The following MTAP variants were observed in gnomAD, a reference collection of about 807,000 sequenced individuals.
MTAP encodes methylthioadenosine phosphorylase, also known as S-methyl-5'-thioadenosine phosphorylase.
In MTAP, 33 loss-of-function variants were observed where a neutral mutation model predicts 33.6. The observed-to-expected ratio is 0.98, with a 90% CI of 0.74 to 1.31. The LOEUF (loss-of-function observed/expected upper bound fraction) is 1.31, where lower values mean the gene tolerates loss of function less well. Among genes scored for constraint, MTAP ranks in the 40% most tolerant of loss-of-function variants. The pLI is 0.00. For missense variants in MTAP, 367 were observed against 360.0 expected (o/e 1.02, Z -0.16); for synonymous variants, 148 against 125.7 (o/e 1.18, Z -1.19).
rs539266874 is a variant in MTAP, at chr9:21,924,306, T to G, written c.148-6702T>G. On this transcript the variant is annotated intron_variant, in intron 1 of 1. Coordinates refer to the MTAP transcript ENST00000577563. ...CCTACTACAGTACAAACCCTTTGGA[T>G]GCATCCTCAAGAACTGAAAGTTTGA... 2.6e-5 allele frequency among the ~76,000 whole-genome samples: 4 copies of G among 152,298 alleles called. No homozygotes were observed. The South Asian group carries it at 6.2e-4, about 24-fold the overall frequency.
At chr9:21,897,691 T>G (rs1193011788) in intron 1 of MTAP, among the ~76,000 whole-genome samples, 2 of 152,198 alleles carry the variant, frequency 1.3e-5, no homozygotes, top group African/African-American at 4.8e-5. Context: ...GAAGGACCTC[T>G]TCAAGAAGAA....
chr9:21,903,577 C>G (rs758241878), intron 1 of MTAP, among the ~76,000 whole-genome samples: 3 of 152,042 alleles, frequency 2.0e-5, no homozygotes, highest in Non-Finnish European at 2.9e-5. Context: ...TGAGTCATTT[C>G]CTGAAAATAT....
At chr9:21,839,802 A>G (rs935716097) in intron 5 of MTAP, among the ~76,000 whole-genome samples, 1 of 152,216 alleles carries the variant, frequency 6.6e-6, no homozygotes, top group African/African-American at 2.4e-5. Flanking sequence ...TGGTTGTACC[A>G]TATTCTACCA....
chr9:21,919,855 A>G (rs972479753), intron 1 of MTAP, among the ~76,000 whole-genome samples: 5 of 152,166 alleles, frequency 3.3e-5, no homozygotes, highest in African/African-American at 9.7e-5. Context: ...CTGTTTAGAA[A>G]AAAAAAGTGT....
intron 1 of MTAP, among the ~76,000 whole-genome samples, chr9:21,804,080 T>C (rs1011758079): frequency 1.3e-5 from 2 of 152,244 alleles, no homozygotes; most frequent in Non-Finnish European, 2.9e-5. Context: ...GTGTGAAGTA[T>C]GTGACTTCTC....
downstream of MTAP, chr9:21,940,952 C>G: frequency 1.0e-6 from 1 of 981,166 alleles, no homozygotes; most frequent in South Asian, 4.7e-5. Flanking sequence ...AGTTACAACC[C>G]TCTTATATTT....
At chr9:21,827,118 C>G (rs1276485664) in intron 4 of MTAP, among the ~76,000 whole-genome samples, 1 of 152,310 alleles carries the variant, frequency 6.6e-6, no homozygotes, top group South Asian at 2.1e-4. Context: ...AGGGCCACCC[C>G]CTCCCCTATT....
At chr9:21,940,900 C>T (rs1031335708), downstream of MTAP, 1 of 518,544 alleles carries the variant, frequency 1.9e-6, no homozygotes, top group Non-Finnish European at 2.5e-6. Flanking sequence ...ATCTTTACTG[C>T]CTTTCTTCCC....
intron 1 of MTAP, among the ~76,000 whole-genome samples, chr9:21,913,430 G>A (rs1175828429): frequency 6.6e-6 from 1 of 152,060 alleles, no homozygotes; most frequent in Non-Finnish European, 1.5e-5. Context: ...CCAAAACAGA[G>A]ATATAGACCA....
intron 1 of MTAP, among the ~76,000 whole-genome samples, chr9:21,915,656 G>T (rs554270834): frequency 6.5e-4 from 99 of 152,208 alleles, no homozygotes; most frequent in African/African-American, 2.2e-3. Context: ...GTATAAAGAG[G>T]AGTGATATAA....
At chr9:21,816,976 C>A (rs745776202) in intron 3 of MTAP, among the ~76,000 whole-genome samples, 18 of 152,204 alleles carry the variant, frequency 1.2e-4, no homozygotes, top group Non-Finnish European at 1.9e-4. Context: ...TTGCCCCTTA[C>A]ATTGGGAAAG....
chr9:21,859,127 A>T (rs1825698755), intron 6 of MTAP, 176 bp from the exon 7 acceptor site: 1 of 766,000 alleles, frequency 1.3e-6, no homozygotes, highest in Non-Finnish European at 2.0e-6. Flanking sequence ...TCATGACCTA[A>T]TTGCCTCCCA....
At chr9:21,834,153 T>A (rs188263411) in intron 4 of MTAP, among the ~76,000 whole-genome samples, 1 of 152,236 alleles carries the variant, frequency 6.6e-6, no homozygotes, top group South Asian at 2.1e-4. Context: ...CCATAAATGA[T>A]AGTGACAAGT....
chr9:21,838,102 C>T, intron 5 of MTAP, 92 bp downstream of exon 5: 1 of 944,742 alleles, frequency 1.1e-6, no homozygotes. Flanking sequence ...CGAGTGGCCC[C>T]ATACCCTCAC....
At chr9:21,812,001 C>T (rs1824362919) in intron 1 of MTAP, 1 of 284,578 alleles carries the variant, frequency 3.5e-6, no homozygotes, top group African/African-American at 2.2e-5. Context: ...CATGTGGCCC[C>T]TGAACATGGC....
intron 3 of MTAP, 90 bp from the exon 4 acceptor site, chr9:21,817,945 A>G: frequency 2.3e-6 from 3 of 1,280,586 alleles, no homozygotes; most frequent in Non-Finnish European, 3.2e-6. Context: ...GGTCATTGCT[A>G]GAGAATCACT....
chr9:21,825,099 C>T (rs969579919), intron 4 of MTAP, among the ~76,000 whole-genome samples: 1 of 152,140 alleles, frequency 6.6e-6, no homozygotes, highest in Admixed American at 6.5e-5. Context: ...ATGGGCTGCA[C>T]CCGCTCTCCG....
At chr9:21,859,812 C>G (rs1825718036) in intron 7 of MTAP, 1 of 155,832 alleles carries the variant, frequency 6.4e-6, no homozygotes, top group African/African-American at 2.4e-5. Context: ...CCTTTAAAGC[C>G]AAAACTCTGA....
intron 4 of MTAP, among the ~76,000 whole-genome samples, chr9:21,825,545 A>G (rs920997089): frequency 2.6e-5 from 4 of 152,148 alleles, no homozygotes; most frequent in African/African-American, 7.2e-5. Flanking sequence ...CATTTTGATA[A>G]TGGCCATTGT....
Sources: gnomAD v4.1 joint callset for allele counts (sites outside exome capture counted in the v4.1 genomes callset) on GRCh38, gnomAD v4.1.1 for gene constraint, MANE v1.5 for transcripts, NCBI Gene and HGNC (gene_info 2026-07-23, HGNC 2026-07-21) for gene names.